GPM6A: variants seen among roughly 807,000 people sequenced by gnomAD.
GPM6A encodes the protein neuronal membrane glycoprotein M6-a.
A neutral mutation model predicts 32.1 loss-of-function variants in GPM6A; 7 were observed. The ratio of observed to expected loss-of-function variants is 0.22; its 90% CI spans 0.12 to 0.41. GPM6A has a LOEUF of 0.41. Ranked by LOEUF, GPM6A falls within the 10% of genes least tolerant of loss-of-function variation. The probability of loss-of-function intolerance (pLI) is 1.00; values close to 1 mark genes in which losing one functional copy is unlikely to be tolerated. For synonymous variants in GPM6A, 130 were observed against 123.4 expected (o/e 1.05, Z -0.35); for missense variants, 235 against 347.2 (o/e 0.68, Z 2.57).
At chr4:175,735,456 T>C (rs2111153386) in intron 1 of GPM6A, among the ~76,000 whole-genome samples, 1 of 152,292 alleles carries the variant, frequency 6.6e-6, no homozygotes, top group South Asian at 2.1e-4. Flanking sequence ...AATGAATGCA[T>C]AGATGATATC....
intron 2 of GPM6A, among the ~76,000 whole-genome samples, chr4:175,684,897 AT>A (rs947867611): frequency 1.3e-5 from 2 of 149,678 alleles, no homozygotes; most frequent in Admixed American, 6.7e-5. Flanking sequence ...TTTTATTATT[AT>A]TTTTTTTTGA....
intron 3 of GPM6A, among the ~76,000 whole-genome samples, chr4:175,669,956 A>G (rs909484629): frequency 8.5e-5 from 13 of 152,076 alleles, no homozygotes; most frequent in African/African-American, 3.1e-4. Flanking sequence ...GCAGCCAACC[A>G]GAAGGTAGGG....
chr4:175,978,864 C>T (rs909062413), intron 1 of GPM6A, among the ~76,000 whole-genome samples: 2 of 151,850 alleles, frequency 1.3e-5, no homozygotes, highest in African/African-American at 2.4e-5. Context: ...CGCTGCTAAT[C>T]GTGGAGCTGC....
At chr4:176,001,898 T>A (rs1741493312) in intron 1 of GPM6A, among the ~76,000 whole-genome samples, 1 of 152,224 alleles carries the variant, frequency 6.6e-6, no homozygotes, top group Admixed American at 6.5e-5. Flanking sequence ...ACGTGGGAAC[T>A]CGGGAGGACA....
At position 175,948,317 on chromosome 4, in the gene GPM6A, A is replaced by C. The variant is rs140753768; in HGVS notation, c.-23+53992T>G. Among the ~76,000 whole-genome samples, 16 of 152,340 alleles carry C rather than the reference A, an allele frequency of 1.1e-4. No individual in the cohort carries two copies. In the East Asian group the frequency reaches 3.1e-3, roughly 29 times the overall value. ...GCTCTCATAAATAGAATTAGTTTCCATAAGAAAAGACATGAGAGAAATGAT... is the reference window on the plus strand; with the variant it reads ...GCTCTCATAAATAGAATTAGTTTCCCTAAGAAAAGACATGAGAGAAATGAT... On this transcript the variant is annotated intron_variant, in intron 1 of 7. Coordinates refer to the GPM6A transcript ENST00000280187.
At chr4:175,896,915 T>C (rs1389583366) in intron 1 of GPM6A, among the ~76,000 whole-genome samples, 2 of 152,148 alleles carry the variant, frequency 1.3e-5, no homozygotes, top group Non-Finnish European at 2.9e-5. Flanking sequence ...CATCTTTCAT[T>C]TGAATAGTGT....
At chr4:175,690,400 T>C (rs890334736) in intron 2 of GPM6A, among the ~76,000 whole-genome samples, 1 of 152,202 alleles carries the variant, frequency 6.6e-6, no homozygotes, top group Non-Finnish European at 1.5e-5. Context: ...CCTATGACTG[T>C]TTTATCAAAT....
chr4:175,796,299 A>G (rs1306776100), intron 1 of GPM6A, among the ~76,000 whole-genome samples: 1 of 152,180 alleles, frequency 6.6e-6, no homozygotes, highest in Non-Finnish European at 1.5e-5. Context: ...AGCATGGACA[A>G]GGAGGCGATA....
chr4:175,696,628 A>C (rs1020871379), intron 2 of GPM6A, among the ~76,000 whole-genome samples: 1 of 152,196 alleles, frequency 6.6e-6, no homozygotes, highest in African/African-American at 2.4e-5. Flanking sequence ...TCATACATCA[A>C]TACAAATTTG....
chr4:175,665,463 A>G (rs1013216344), intron 3 of GPM6A, among the ~76,000 whole-genome samples: 4 of 152,162 alleles, frequency 2.6e-5, no homozygotes, highest in African/African-American at 9.7e-5. Context: ...CAAAATTCAA[A>G]TAAAGTCAAA....
At chr4:175,874,681 T>C (rs1737025087) in intron 1 of GPM6A, among the ~76,000 whole-genome samples, 1 of 152,044 alleles carries the variant, frequency 6.6e-6, no homozygotes, top group Non-Finnish European at 1.5e-5. Context: ...GAGGCTGTAA[T>C]AATGAGACTG....
intron 1 of GPM6A, among the ~76,000 whole-genome samples, chr4:175,918,549 A>C (rs1446996861): frequency 6.6e-6 from 1 of 152,178 alleles, no homozygotes; most frequent in East Asian, 1.9e-4. Context: ...AAATATCTTA[A>C]ATTATTGTTT....
intron 1 of GPM6A, among the ~76,000 whole-genome samples, chr4:175,827,425 C>A (rs938850335): frequency 5.9e-5 from 9 of 152,144 alleles, no homozygotes; most frequent in African/African-American, 1.9e-4. Flanking sequence ...CACTTCGCAG[C>A]TAAAGAAACA....
At chr4:175,738,299 A>C (rs1731746379) in intron 1 of GPM6A, among the ~76,000 whole-genome samples, 1 of 152,126 alleles carries the variant, frequency 6.6e-6, no homozygotes, top group East Asian at 1.9e-4. Flanking sequence ...CCAAACGTTC[A>C]AACCATGTCA....
intron 1 of GPM6A, among the ~76,000 whole-genome samples, chr4:175,981,693 C>T (rs1030580107): frequency 1.3e-4 from 20 of 152,096 alleles, no homozygotes; most frequent in African/African-American, 4.6e-4. Context: ...TAAACCTGCG[C>T]TTAACAGATT....
At chr4:175,774,685 T>C (rs1048278868) in intron 1 of GPM6A, among the ~76,000 whole-genome samples, 4 of 152,072 alleles carry the variant, frequency 2.6e-5, no homozygotes, top group African/African-American at 4.8e-5. Context: ...CTTGTCACAA[T>C]TGAACAACAG....
chr4:175,693,916 A>ATTCT (rs1744430520), intron 2 of GPM6A, among the ~76,000 whole-genome samples: 1 of 152,112 alleles, frequency 6.6e-6, no homozygotes, highest in Non-Finnish European at 1.5e-5. Context: ...CCTCAGTGCT[A>ATTCT]TTCTTGTGAA....
At chr4:175,818,504 C>G (rs544012336) in intron 1 of GPM6A, among the ~76,000 whole-genome samples, 1 of 152,208 alleles carries the variant, frequency 6.6e-6, no homozygotes, top group Non-Finnish European at 1.5e-5. Flanking sequence ...TGGCCTGCGG[C>G]CTATAAGCTC....
intron 1 of GPM6A, among the ~76,000 whole-genome samples, chr4:175,721,514 A>G (rs925683044): frequency 6.6e-6 from 1 of 151,928 alleles, no homozygotes; most frequent in African/African-American, 2.4e-5. Context: ...TAACAACTTC[A>G]TTAAGAGGTG....
Sources: gnomAD v4.1 joint callset for allele counts (sites outside exome capture counted in the v4.1 genomes callset) on GRCh38, gnomAD v4.1.1 for gene constraint, MANE v1.5 for transcripts, NCBI Gene and HGNC (gene_info 2026-07-23, HGNC 2026-07-21) for gene names.